The following MGA variants were observed in gnomAD, a reference collection of about 807,000 sequenced individuals.
MGA encodes the protein MAX gene-associated protein.
MGA carries 40 observed loss-of-function variants against 261.1 expected under a neutral mutation model. The ratio of observed to expected loss-of-function variants is 0.15; its 90% CI spans 0.12 to 0.20. The LOEUF (loss-of-function observed/expected upper bound fraction) is 0.20, where lower values mean the gene tolerates loss of function less well. Ranked by LOEUF, MGA falls within the 10% of genes least tolerant of loss-of-function variation. MGA has a pLI of 1.00. For synonymous variants in MGA, 1,302 were observed against 1,290.6 expected, an observed-to-expected ratio of 1.01 and a Z score of -0.19; for missense variants, 3,397 against 3,630.5, an observed-to-expected ratio of 0.94 and a Z score of 1.65.
At chr15:41,659,846 C>A (rs2057294387), upstream of MGA, among the ~76,000 whole-genome samples, 1 of 152,240 alleles carries the variant, frequency 6.6e-6, no homozygotes, top group Non-Finnish European at 1.5e-5. Flanking sequence ...GTCTCCTCCC[C>A]ATTTTCCTAG....
At position 41,747,019 on chromosome 15, in the gene MGA, A is replaced by G. The variant is rs564965853; in HGVS notation, c.5213-1618A>G. Among the ~76,000 whole-genome samples the G allele has an allele frequency of 4.6e-5, 7 of 150,898 alleles. No homozygotes were observed. In the East Asian group the frequency reaches 1.4e-3, roughly 29 times the overall value. On this transcript the variant is annotated intron_variant, in intron 15 of 23. Coordinates refer to ENST00000219905, the MANE Select transcript of MGA (RefSeq NM_001164273.2). ...TCATACTGTTTTTTCCTATGTCTTT[A>G]GTATTTCGAAATATGTCTTCCAATC...
At chr15:41,727,565 G>C (rs964113770) in intron 10 of MGA, among the ~76,000 whole-genome samples, 159 bp downstream of exon 10, 12 of 152,088 alleles carry the variant, frequency 7.9e-5, no homozygotes, top group Non-Finnish European at 1.6e-4. Context: ...TTTAGTGCTG[G>C]CACTTTAAAA....
chr15:41,643,072 A>C (rs892122540), intron 1 of MGA, among the ~76,000 whole-genome samples: 3 of 148,012 alleles, frequency 2.0e-5, no homozygotes, highest in Non-Finnish European at 3.0e-5. Flanking sequence ...TTAGCTAATT[A>C]TTTTTTATTT....
chr15:41,734,076 C>G (rs539427500), intron 11 of MGA, among the ~76,000 whole-genome samples: 2 of 151,816 alleles, frequency 1.3e-5, no homozygotes, highest in South Asian at 4.2e-4. Context: ...TGTGGCTAAG[C>G]TTTTGTATTT....
chr15:41,761,677 C>T, intron 20 of MGA, 62 bp from the exon 21 acceptor site: 1 of 1,010,738 alleles, frequency 9.9e-7, no homozygotes, highest in Non-Finnish European at 1.5e-6. Context: ...ATTGTATAGG[C>T]CTTAGCTGTG....
chr15:41,707,421 C>T (rs2060178646), intron 5 of MGA, among the ~76,000 whole-genome samples: 2 of 152,188 alleles, frequency 1.3e-5, no homozygotes, highest in Non-Finnish European at 1.5e-5. Flanking sequence ...ATCACATGCA[C>T]ATTATCATGC....
intron 9 of MGA, among the ~76,000 whole-genome samples, chr15:41,723,581 A>G (rs1030212297): frequency 6.6e-6 from 1 of 152,102 alleles, no homozygotes; most frequent in African/African-American, 2.4e-5. Flanking sequence ...ATGCCCAGCT[A>G]AAGCTTTTTA....
chr15:41,686,017 A>AAT (rs1566974811), intron 2 of MGA, among the ~76,000 whole-genome samples: 1 of 150,032 alleles, frequency 6.7e-6, no homozygotes, highest in African/African-American at 2.5e-5. Context: ...AAAAAAAAAA[A>AAT]AATAATAATA....
chr15:41,670,018 G>A (rs767271718), intron 2 of MGA, 60 bp downstream of exon 2: 1 of 1,351,012 alleles, frequency 7.4e-7, no homozygotes, highest in Non-Finnish European at 1.0e-6. Flanking sequence ...GCCAGGTGTT[G>A]GATTTAACAT....
At chr15:41,736,082 C>T (rs145020691) in intron 12 of MGA, 99 bp from the exon 13 acceptor site, 10,815 of 1,059,728 alleles carry the variant, frequency 0.01, 65 homozygotes, top group Middle Eastern at 0.014. Flanking sequence ...TGTGAAAGAA[C>T]GTGAGAATGT....
chr15:41,710,575 G>T, intron 7 of MGA, 116 bp from the exon 8 acceptor site: 1 of 1,071,486 alleles, frequency 9.3e-7, no homozygotes, highest in Non-Finnish European at 1.3e-6. Context: ...CTAAGGGATA[G>T]TTTAGAAGAT....
intron 1 of MGA, among the ~76,000 whole-genome samples, chr15:41,624,174 C>A (rs1253442707): frequency 6.6e-6 from 1 of 151,104 alleles, no homozygotes; most frequent in East Asian, 1.9e-4. Flanking sequence ...AAGCAGTTCT[C>A]CTGCCTCAGC....
chr15:41,682,155 G>C (rs1232513836), intron 2 of MGA, among the ~76,000 whole-genome samples: 1 of 152,114 alleles, frequency 6.6e-6, no homozygotes, highest in Non-Finnish European at 1.5e-5. Context: ...GACCTCAGGT[G>C]ATCTGCCTGC....
chr15:41,632,160 C>T (rs1194850892), intron 1 of MGA, among the ~76,000 whole-genome samples: 1 of 152,106 alleles, frequency 6.6e-6, no homozygotes, highest in African/African-American at 2.4e-5. Flanking sequence ...TTTCAGGCCT[C>T]TAGATGAGGG....
chr15:41,767,263 A>G lies in MGA; in HGVS notation c.9181A>G (p.Ser3061Gly), dbSNP rs1016638503. Residue 3061 changes from serine (S) to glycine (G), a missense_variant, in exon 24 of 24, where the codon AGT becomes GGT. By Grantham distance (56) the Ser-to-Gly change is moderately conservative (BLOSUM62 0). Around this residue, in one of 9 missense-constraint regions of MGA, gnomAD observed 647 missense variants for 642.4 expected, o/e 1.01. Coordinates refer to ENST00000219905, the MANE Select transcript of MGA (RefSeq NM_001164273.2). ...ATTGGGCAACTCGGGGGCCTCACCA[A>G]GTTCTGCAGGGAAATGAACTTACTT... 3 of 1,611,174 alleles carry G rather than the reference A, an allele frequency of 1.9e-6. No homozygotes were observed. Among genetic ancestry groups the G allele is most frequent in the Middle Eastern group, 1.6e-4 (1 of 6,076 alleles).
At chr15:41,726,062 T>A (rs2061233510) in intron 9 of MGA, among the ~76,000 whole-genome samples, 2 of 152,210 alleles carry the variant, frequency 1.3e-5, no homozygotes, top group African/African-American at 4.8e-5. Flanking sequence ...CTTGATAGTA[T>A]GATTTTACCT....
chr15:41,763,833 T>C (rs1006145287), intron 22 of MGA, among the ~76,000 whole-genome samples: 1 of 152,172 alleles, frequency 6.6e-6, no homozygotes, highest in African/African-American at 2.4e-5. Flanking sequence ...TAAAGTTATA[T>C]TGATTTTATG....
rs2062772430 is a variant in MGA, at chr15:41,750,526, G to A, written c.6919G>A (p.Asp2307Asn). The stretch of plus-strand genomic sequence containing the variant: ...TTTGGATTTGGAAGAAGATGATGAA[G>A]ATGATAATGAGAAAACTGATGATTC... The change falls in exon 17 of 24, where the codon GAT becomes AAT. Residue 2307 changes from aspartate (D) to asparagine (N), a missense_variant. By Grantham distance (23) the Asp-to-Asn change is conservative (BLOSUM62 1). Around this residue, in one of 9 missense-constraint regions of MGA, gnomAD observed 1,410 missense variants for 1,386.4 expected, o/e 1.02. Transcript: ENST00000219905. The A allele has an allele frequency of 6.2e-7, 1 of 1,613,326 alleles. No individual in the cohort carries two copies. The highest frequency in any genetic ancestry group is 1.7e-5 in the Admixed American group (1 of 59,888).
chr15:41,628,704 G>A (rs1227663202), intron 1 of MGA, among the ~76,000 whole-genome samples: 1 of 152,104 alleles, frequency 6.6e-6, no homozygotes, highest in Non-Finnish European at 1.5e-5. Flanking sequence ...TTGAGAATTG[G>A]CGGGGCTCAG....
Sources: gnomAD v4.1 joint callset for allele counts (sites outside exome capture counted in the v4.1 genomes callset) on GRCh38, gnomAD v4.1.1 for gene constraint, gnomAD v4.1.1 regional missense constraint, MANE v1.5 for transcripts, NCBI Gene and HGNC (gene_info 2026-07-23, HGNC 2026-07-21) for gene names.